Variants in CD8B observed in about 807,000 individuals in gnomAD.
The protein encoded by CD8B is CD8 subunit beta, also known as T-cell surface glycoprotein CD8 beta chain.
In CD8B, 6 loss-of-function variants were observed where a neutral mutation model predicts 24.2. The observed-to-expected ratio is 0.25, with a 90% CI of 0.14 to 0.49. The LOEUF (loss-of-function observed/expected upper bound fraction) is 0.49. CD8B is among the 20% of genes least tolerant of loss of function. CD8B has a pLI of 0.98. For synonymous variants in CD8B, 84 were observed against 108.3 expected (o/e 0.78, Z 1.39); for missense variants, 196 against 271.3 (o/e 0.72, Z 1.95).
chr2:86,842,843 G>A (rs1675499420), intron 5 of CD8B, among the ~76,000 whole-genome samples: 1 of 152,122 alleles, frequency 6.6e-6, no homozygotes, highest in African/African-American at 2.4e-5. Flanking sequence ...AAGAGAGTAC[G>A]TCTGTTCAAA....
At position 86,825,631 on chromosome 2, in the gene CD8B, G is replaced by A. The variant is rs1198840656; in HGVS notation, c.621-9913C>T. On this transcript the variant is annotated intron_variant, in intron 5 of 5. Coordinates refer to the CD8B transcript ENST00000331469. ...GGTGAATGTCCCAGAGCTCCAGCCA[G>A]CTCAGGCTCCTATGGGTGATAACTG... Among the ~76,000 whole-genome samples the A allele has an allele frequency of 2.0e-5, 3 of 152,176 alleles. No individual in the cohort carries two copies. In the East Asian group the frequency reaches 5.8e-4, roughly 29 times the overall value.
At chr2:86,855,821 T>C (rs1295898367) in intron 2 of CD8B, among the ~76,000 whole-genome samples, 1 of 152,212 alleles carries the variant, frequency 6.6e-6, no homozygotes, top group Non-Finnish European at 1.5e-5. Context: ...GCCAACTCTT[T>C]GGGCCCTCAG....
intron 4 of CD8B, among the ~76,000 whole-genome samples, chr2:86,846,036 G>A (rs1268848230): frequency 6.6e-6 from 1 of 152,218 alleles, no homozygotes; most frequent in East Asian, 1.9e-4. Context: ...CAGAAGAACC[G>A]GGGTAGAGTC....
In CD8B at chr2:86,861,861, C is replaced by A; in HGVS notation, c.5G>T (p.Arg2Leu). 1.6e-6 allele frequency: 2 copies of A among 1,277,284 alleles called. No individual in the cohort carries two copies. Among genetic ancestry groups the A allele is most frequent in the South Asian group, 2.7e-5 (1 of 36,400 alleles). The allele number at this position is 1,277,284 out of a possible 1,614,324, so 79.1% of individuals were successfully genotyped here. Residue 2 changes from arginine to leucine, a missense_variant, in exon 1 of 6, where the codon CGG (arginine) becomes CTG (leucine). Arg to Leu is a moderately radical substitution (Grantham distance 102). Coordinates refer to ENST00000390655, the MANE Select transcript of CD8B (RefSeq NM_004931.5). ...GGCCAAGAGGAGCCACAGCCGCGGC[C>A]GCATCGTGGCGCGCCCGGGACACCT... M[R>L]PRLWLLLAAQ...
chr2:86,825,699 G>A (rs1558749003), intron 5 of CD8B, among the ~76,000 whole-genome samples: 1 of 152,216 alleles, frequency 6.6e-6, no homozygotes. Flanking sequence ...ACTGCATGCA[G>A]CGGCAACATG....
rs111288039 is a variant in CD8B at position 86,816,135 on chromosome 2, GC to G, written c.621-418del. Among the ~76,000 whole-genome samples, 8 of 152,284 alleles carry G rather than the reference GC, an allele frequency of 5.3e-5. 1 individual carries two copies. Among genetic ancestry groups the G allele is most frequent in the African/African-American group, 1.7e-4 (7 of 41,574 alleles). On this transcript the variant is annotated intron_variant, in intron 5 of 5. Transcript: ENST00000331469. Reference sequence around the variant, plus strand: ...TGTCTGACCTGCAAATTAGTTTTCTGCCATTTGGAATCAAGGATGTACGGGT... The same window carrying G: ...TGTCTGACCTGCAAATTAGTTTTCTGCATTTGGAATCAAGGATGTACGGGT...
At chr2:86,851,233 C>T (rs563406069) in intron 3 of CD8B, among the ~76,000 whole-genome samples, 2 of 152,250 alleles carry the variant, frequency 1.3e-5, no homozygotes, top group East Asian at 1.9e-4. Context: ...GATTGCTTCT[C>T]GAATTTAGTG....
intron 5 of CD8B, among the ~76,000 whole-genome samples, chr2:86,826,639 A>C (rs1330873297): frequency 6.6e-6 from 1 of 152,138 alleles, no homozygotes; most frequent in Non-Finnish European, 1.5e-5. Flanking sequence ...AAGCGTGGCT[A>C]CTAAAAATGT....
rs1573507093 is a variant in CD8B, at chr2:86,839,485, C to T, written c.*2822G>A. ...GGGGGCATATTTCATCATAATGGCC[C>T]TATAGAGTGTAGTAGCAGCTCAGCT... On this transcript the variant is annotated 3_prime_UTR_variant, in exon 6 of 6. Transcript: ENST00000390655. 6.6e-6 allele frequency among the ~76,000 whole-genome samples: 1 copy of T among 152,196 alleles called. No individual in the cohort carries two copies. Among genetic ancestry groups the T allele is most frequent in the South Asian group, 2.1e-4 (1 of 4,828 alleles).
chr2:86,846,695 A>G lies in CD8B; in HGVS notation c.572T>C (p.Ile191Thr), dbSNP rs776426409. The G allele has an allele frequency of 7.6e-6, 12 of 1,574,772 alleles. No homozygotes were observed. Among genetic ancestry groups the G allele is most frequent in the Non-Finnish European group, 8.6e-6 (10 of 1,158,940 alleles). Residue 191 changes from isoleucine to threonine, a missense_variant, in exon 4 of 6, where the codon ATC becomes ACC. Physicochemically the swap from Ile to Thr is moderately conservative, Grantham distance 89 (BLOSUM62 -1). Coordinates refer to ENST00000390655, the MANE Select transcript of CD8B (RefSeq NM_004931.5). ...AGGAGACAACTCACAGCACAGGTGG[A>G]TGGCCACTCCCAGGGAAACCAGCAG... ...LVLLVSLGVAIHLCCRRRRAR... is the reference protein window; with the variant it reads ...LVLLVSLGVATHLCCRRRRAR...
intron 5 of CD8B, among the ~76,000 whole-genome samples, chr2:86,826,284 C>T (rs771728093): frequency 9.9e-5 from 15 of 151,972 alleles, no homozygotes; most frequent in South Asian, 2.1e-4. Context: ...AGTTGTGTGG[C>T]GGGTGATGCA....
At chr2:86,837,602 C>A (rs1573505126), downstream of CD8B, among the ~76,000 whole-genome samples, 1 of 149,450 alleles carries the variant, frequency 6.7e-6, no homozygotes, top group South Asian at 2.2e-4. Flanking sequence ...ATCAGCTTTG[C>A]AGCCCACGCG....
intron 4 of CD8B, 48 bp downstream of exon 4, chr2:86,846,636 T>G: frequency 5.4e-6 from 5 of 928,078 alleles, no homozygotes; most frequent in South Asian, 4.7e-5. Flanking sequence ...CAGGGACACT[T>G]CAAACAGCAA....
rs1162037101 is a variant in CD8B at position 86,839,759 on chromosome 2, G to T, written c.*2548C>A. ...GGGAGACGGTCAAATTTCAAAGCCT[G>T]CAGTGGGACAAGAGGCCTTGTGGCC... is the stretch of plus-strand genomic sequence containing the variant. On this transcript the variant is annotated 3_prime_UTR_variant, in exon 6 of 6. Coordinates refer to ENST00000390655, the MANE Select transcript of CD8B (RefSeq NM_004931.5). Among the ~76,000 whole-genome samples the T allele has an allele frequency of 6.6e-6, 1 of 152,270 alleles. No individual in the cohort carries two copies. Among genetic ancestry groups the T allele is most frequent in the Non-Finnish European group, 1.5e-5 (1 of 68,050 alleles).
intron 1 of CD8B, among the ~76,000 whole-genome samples, chr2:86,860,453 T>C (rs954469798): frequency 2.6e-5 from 4 of 152,136 alleles, no homozygotes; most frequent in African/African-American, 9.7e-5. Flanking sequence ...TAAGAACCAA[T>C]AATGCCAGTT....
intron 2 of CD8B, among the ~76,000 whole-genome samples, chr2:86,854,814 AAAAAG>A (rs1237108848): frequency 7.2e-5 from 11 of 152,056 alleles, no homozygotes; most frequent in African/African-American, 2.2e-4. Flanking sequence ...CAGAAAAAAA[AAAAAG>A]AAAAGAAAAG....
chr2:86,844,047 T>G (rs775704141), intron 5 of CD8B, among the ~76,000 whole-genome samples: 1 of 152,236 alleles, frequency 6.6e-6, no homozygotes, highest in Non-Finnish European at 1.5e-5. Flanking sequence ...TGAAACAGTC[T>G]CTGTTGTGAG....
chr2:86,832,064 T>G (rs1340619437), intron 5 of CD8B, among the ~76,000 whole-genome samples: 8 of 152,160 alleles, frequency 5.3e-5, no homozygotes, highest in Admixed American at 5.2e-4. Flanking sequence ...CTGACGAGCT[T>G]GAGTGTTCAC....
intron 3 of CD8B, among the ~76,000 whole-genome samples, chr2:86,851,367 GCA>G (rs1474818141): frequency 3.3e-5 from 5 of 152,184 alleles, no homozygotes; most frequent in African/African-American, 4.8e-5. Context: ...CACAGCCGTA[GCA>G]CACAACCGGT....
Sources: allele counts gnomAD v4.1 joint callset (sites outside exome capture counted in the v4.1 genomes callset), GRCh38; gene constraint gnomAD v4.1.1; transcripts MANE v1.5; gene names NCBI Gene and HGNC (gene_info 2026-07-23, HGNC 2026-07-21).